Variants in RBFOX1 observed in about 807,000 individuals in gnomAD.
RBFOX1 encodes RNA binding fox-1 homolog 1, also known as RNA binding protein fox-1 homolog 1.
A neutral mutation model predicts 57.7 loss-of-function variants in RBFOX1; 8 were observed. The ratio of observed to expected loss-of-function variants is 0.14; its 90% CI spans 0.08 to 0.25. The LOEUF is 0.25. Ranked by LOEUF, RBFOX1 falls within the 10% of genes least tolerant of loss-of-function variation. RBFOX1 has a pLI of 1.00. For synonymous variants in RBFOX1, 326 were observed against 222.4 expected, an observed-to-expected ratio of 1.47 and a Z score of -4.15; for missense variants, 611 against 548.5, an observed-to-expected ratio of 1.11 and a Z score of -1.14.
At chr16:6,711,598 C>G (rs189905642) in intron 3 of RBFOX1, among the ~76,000 whole-genome samples, 31 of 152,290 alleles carry the variant, frequency 2.0e-4, no homozygotes, top group Non-Finnish European at 7.3e-5. Flanking sequence ...TAAGACATGC[C>G]TTACTTCCCC....
At chr16:7,651,534 G>A (rs1188917405) in intron 11 of RBFOX1, among the ~76,000 whole-genome samples, 1 of 152,086 alleles carries the variant, frequency 6.6e-6, no homozygotes, top group African/African-American at 2.4e-5. Context: ...CCCTCACCTG[G>A]GTCCATGCAT....
chr16:5,285,444 G>A (rs888078107), intron 1 of RBFOX1, among the ~76,000 whole-genome samples: 1 of 151,932 alleles, frequency 6.6e-6, no homozygotes, highest in African/African-American at 2.4e-5. Context: ...ATTTTTTCAG[G>A]CATTTCATAG....
At chr16:7,466,198 C>T (rs1260594683) in intron 4 of RBFOX1, among the ~76,000 whole-genome samples, 1 of 152,142 alleles carries the variant, frequency 6.6e-6, no homozygotes, top group East Asian at 1.9e-4. Flanking sequence ...TAATTTGCAT[C>T]TAATAAAAGG....
intron 4 of RBFOX1, among the ~76,000 whole-genome samples, chr16:7,352,393 A>G (rs2097144558): frequency 6.6e-6 from 1 of 152,138 alleles, no homozygotes; most frequent in African/African-American, 2.4e-5. Context: ...GAATTTCCCC[A>G]TCTTGGACAG....
At chr16:7,146,109 T>C (rs1367855895) in intron 4 of RBFOX1, among the ~76,000 whole-genome samples, 1 of 152,194 alleles carries the variant, frequency 6.6e-6, no homozygotes, top group Non-Finnish European at 1.5e-5. Flanking sequence ...GAACTTTGCC[T>C]GTCAAAGCTT....
intron 3 of RBFOX1, among the ~76,000 whole-genome samples, chr16:6,757,335 AC>A (rs2075960371): frequency 6.6e-6 from 1 of 152,172 alleles, no homozygotes; most frequent in East Asian, 1.9e-4. Flanking sequence ...ATCTGAAAGG[AC>A]CTGCACACCC....
intron 2 of RBFOX1, among the ~76,000 whole-genome samples, chr16:6,554,723 CAG>C (rs1567662512): frequency 5.8e-5 from 2 of 34,596 alleles, no homozygotes; most frequent in African/African-American, 1.6e-4. Flanking sequence ...CCAGTAGACA[CAG>C]ACACACACAC....
At chr16:7,343,063 T>G (rs529194063) in intron 4 of RBFOX1, among the ~76,000 whole-genome samples, 22 of 152,178 alleles carry the variant, frequency 1.4e-4, no homozygotes, top group Non-Finnish European at 3.2e-4. Context: ...GCCTGTCCCC[T>G]CCGTTCCATG....
At chr16:7,480,937 G>A (rs1028995210) in intron 4 of RBFOX1, among the ~76,000 whole-genome samples, 26 of 152,190 alleles carry the variant, frequency 1.7e-4, no homozygotes, top group African/African-American at 6.3e-4. Flanking sequence ...GGTCTCTGTA[G>A]TGCGAATTAC....
At chr16:5,277,301 C>G (rs576576197) in intron 1 of RBFOX1, among the ~76,000 whole-genome samples, 1 of 150,774 alleles carries the variant, frequency 6.6e-6, no homozygotes, top group African/African-American at 2.4e-5. Flanking sequence ...TTTGGGGGCT[C>G]AGGTGGAAGT....
chr16:7,231,515 C>A (rs1308437110), intron 4 of RBFOX1, among the ~76,000 whole-genome samples: 1 of 152,112 alleles, frequency 6.6e-6, no homozygotes, highest in South Asian at 2.1e-4. Context: ...TACCATATGA[C>A]CCAGCAAACC....
intron 3 of RBFOX1, among the ~76,000 whole-genome samples, chr16:6,962,876 GAAAA>G (rs1229647198): frequency 8.9e-6 from 1 of 112,734 alleles, no homozygotes; most frequent in Non-Finnish European, 1.8e-5. Context: ...TGGAAAAAGG[GAAAA>G]AAAGAAAAGA....
intron 14 of RBFOX1, among the ~76,000 whole-genome samples, chr16:7,686,518 G>A (rs1197038128): frequency 6.6e-6 from 1 of 151,966 alleles, no homozygotes; most frequent in Non-Finnish European, 1.5e-5. Context: ...CCAATTGCCT[G>A]CCCTCTTCTT....
chr16:6,108,659 A>G (rs1487627274), intron 1 of RBFOX1, among the ~76,000 whole-genome samples: 2 of 152,162 alleles, frequency 1.3e-5, no homozygotes, highest in Non-Finnish European at 2.9e-5. Flanking sequence ...TAGATGACAG[A>G]ACTCTGAAGT....
intron 1 of RBFOX1, among the ~76,000 whole-genome samples, chr16:5,296,389 A>C (rs1012662295): frequency 6.6e-6 from 1 of 152,036 alleles, no homozygotes; most frequent in African/African-American, 2.4e-5. Context: ...ACTGCATTCA[A>C]ATTTCCCACT....
intron 2 of RBFOX1, among the ~76,000 whole-genome samples, chr16:5,580,623 T>C (rs72763254): frequency 0.024 from 3,619 of 152,284 alleles, 70 homozygotes; most frequent in Middle Eastern, 0.034. Context: ...ACATCTGCTT[T>C]GTGTGGGTTT....
At chr16:6,831,792 G>C (rs560549994) in intron 3 of RBFOX1, among the ~76,000 whole-genome samples, 4 of 152,292 alleles carry the variant, frequency 2.6e-5, no homozygotes, top group Admixed American at 2.6e-4. Context: ...AGGAGGGACA[G>C]TGGGAAGAAC....
intron 2 of RBFOX1, among the ~76,000 whole-genome samples, chr16:6,345,188 G>C (rs868267438): frequency 6.6e-6 from 1 of 152,054 alleles, no homozygotes; most frequent in Non-Finnish European, 1.5e-5. Context: ...CCCCACATTG[G>C]CGCTGCGTCC....
At chr16:5,734,673 A>G (rs1412953513) in intron 3 of RBFOX1, among the ~76,000 whole-genome samples, 2 of 152,070 alleles carry the variant, frequency 1.3e-5, no homozygotes, top group Non-Finnish European at 2.9e-5. Flanking sequence ...TTTGGTGCCA[A>G]ACACCCACAT....
Sources: allele counts gnomAD v4.1 joint callset (sites outside exome capture counted in the v4.1 genomes callset), GRCh38; gene constraint gnomAD v4.1.1; transcripts MANE v1.5; gene names NCBI Gene and HGNC (gene_info 2026-07-23, HGNC 2026-07-21).